Variants in MAPRE2 observed in about 807,000 individuals in gnomAD.
MAPRE2 encodes microtubule-associated protein RP/EB family member 2.
In MAPRE2, 13 loss-of-function variants were observed where a neutral mutation model predicts 43.2. The observed-to-expected ratio is 0.30, with a 90% CI of 0.20 to 0.48. The LOEUF (loss-of-function observed/expected upper bound fraction) is 0.48. MAPRE2 is among the 20% of genes least tolerant of loss of function. The probability of loss-of-function intolerance (pLI) is 0.99; values close to 1 mark genes in which losing one functional copy is unlikely to be tolerated. For synonymous variants in MAPRE2, 135 were observed against 148.8 expected, an observed-to-expected ratio of 0.91 and a Z score of 0.68; for missense variants, 161 against 400.2, an observed-to-expected ratio of 0.40 and a Z score of 5.10.
chr18:35,094,290 T>C (rs894676158), intron 2 of MAPRE2, among the ~76,000 whole-genome samples: 5 of 152,226 alleles, frequency 3.3e-5, no homozygotes, highest in Admixed American at 3.3e-4. Flanking sequence ...AAAGCTATTA[T>C]TTTTATATGC....
intron 2 of MAPRE2, among the ~76,000 whole-genome samples, chr18:35,092,623 G>A (rs529693062): frequency 2.0e-5 from 3 of 151,868 alleles, no homozygotes; most frequent in East Asian, 1.9e-4. Context: ...GGATTATATC[G>A]AACAAAAAAA....
At chr18:35,026,079 T>A (rs562234732) in intron 2 of MAPRE2, among the ~76,000 whole-genome samples, 1 of 152,162 alleles carries the variant, frequency 6.6e-6, no homozygotes, top group East Asian at 1.9e-4. Context: ...AGATGTGAAT[T>A]GATTGTGAAG....
intron 1 of MAPRE2, among the ~76,000 whole-genome samples, chr18:34,983,992 C>A (rs1362371764): frequency 6.8e-6 from 1 of 147,842 alleles, no homozygotes; most frequent in Non-Finnish European, 1.5e-5. Flanking sequence ...CTTGTAATGG[C>A]AAGGATCACT....
At chr18:35,125,046 T>A (rs1006631994) in intron 4 of MAPRE2, among the ~76,000 whole-genome samples, 8 of 152,296 alleles carry the variant, frequency 5.3e-5, no homozygotes, top group African/African-American at 1.9e-4. Flanking sequence ...TTTAAGTCTT[T>A]CCCAATTTAA....
At chr18:35,101,783 A>T (rs539562570) in intron 3 of MAPRE2, among the ~76,000 whole-genome samples, 163 bp from the exon 4 acceptor site, 1 of 152,136 alleles carries the variant, frequency 6.6e-6, no homozygotes, top group Non-Finnish European at 1.5e-5. Flanking sequence ...TTATCCATTC[A>T]TCTGTTGATG....
At chr18:35,049,168 T>A (rs1199629252) in intron 1 of MAPRE2, among the ~76,000 whole-genome samples, 1 of 152,170 alleles carries the variant, frequency 6.6e-6, no homozygotes, top group Non-Finnish European at 1.5e-5. Context: ...AAAAAACATC[T>A]CTGGGAGGCT....
At position 35,048,514 on chromosome 18, in the gene MAPRE2, A is replaced by G. The variant is rs111716370; in HGVS notation, c.122+6853A>G. On this transcript the variant is annotated intron_variant, in intron 1 of 6. Transcript: ENST00000300249. ...GAAAGTATAATTATATATGTGTTACATATAGTATTAACACATATACTACAT... is the reference window on the plus strand; with the variant it reads ...GAAAGTATAATTATATATGTGTTACGTATAGTATTAACACATATACTACAT... Among the ~76,000 whole-genome samples the G allele has an allele frequency of 8.0e-3, 1,199 of 150,722 alleles. 14 individuals are homozygous for G. The highest frequency in any genetic ancestry group is 0.028 in the African/African-American group (1,157 of 41,194).
In MAPRE2 at chr18:35,143,089, A is replaced by G. The variant is rs1202900892; in HGVS notation, c.*2720A>G. 6.7e-6 allele frequency: 1 copy of G among 148,288 alleles called. No homozygotes were observed. The highest frequency in any genetic ancestry group is 2.0e-4 in the East Asian group (1 of 5,050). The allele number at this position is 148,288 out of a possible 1,614,324, so 9.2% of individuals were successfully genotyped here. A position where few individuals can be genotyped will look rare whatever the true frequency, so the allele number is the denominator to read the frequency against. On this transcript the variant is annotated 3_prime_UTR_variant, in exon 7 of 7. Transcript: ENST00000300249. The stretch of plus-strand genomic sequence containing the variant: ...AAAGCAGGAAAAAAAAAAAAAAAAA[A>G]GAAAGAAAAACACCTGTTGACCTGA...
intron 2 of MAPRE2, among the ~76,000 whole-genome samples, chr18:35,021,600 A>G (rs1021209359): frequency 3.9e-5 from 6 of 152,308 alleles, no homozygotes; most frequent in Admixed American, 3.9e-4. Flanking sequence ...AAGAGTTGCT[A>G]TGAATAAGAG....
At chr18:34,985,853 G>C (rs971878265) in intron 1 of MAPRE2, among the ~76,000 whole-genome samples, 1 of 148,634 alleles carries the variant, frequency 6.7e-6, no homozygotes, top group African/African-American at 2.5e-5. Context: ...GTATCTTCCA[G>C]GTATGAAATA....
intron 1 of MAPRE2, among the ~76,000 whole-genome samples, chr18:35,056,014 T>G (rs946647731): frequency 6.6e-6 from 1 of 151,924 alleles, no homozygotes; most frequent in Non-Finnish European, 1.5e-5. Context: ...AACTGGGTGA[T>G]GGAACAGTGG....
intron 6 of MAPRE2, among the ~76,000 whole-genome samples, chr18:35,140,062 G>A (rs755468924): frequency 6.6e-6 from 1 of 152,188 alleles, no homozygotes; most frequent in Non-Finnish European, 1.5e-5. Flanking sequence ...AAAGCCTGAC[G>A]ACTGTGCTTT....
chr18:35,048,699 A>G (rs78762447), intron 1 of MAPRE2, among the ~76,000 whole-genome samples: 8,015 of 149,040 alleles, frequency 0.054, 367 homozygotes, highest in East Asian at 0.22. Context: ...TACTATATAT[A>G]CTATTATATA....
At chr18:35,020,047 G>A (rs2150587119) in intron 2 of MAPRE2, among the ~76,000 whole-genome samples, 1 of 152,210 alleles carries the variant, frequency 6.6e-6, no homozygotes, top group South Asian at 2.1e-4. Context: ...TACTGTGGAT[G>A]ACACAGATTT....
chr18:35,003,609 A>G (rs2097030424), intron 1 of MAPRE2, among the ~76,000 whole-genome samples: 1 of 152,248 alleles, frequency 6.6e-6, no homozygotes, highest in Non-Finnish European at 1.5e-5. Flanking sequence ...TTGTATACAG[A>G]CAATTCTGAA....
At chr18:35,086,265 T>C (rs1241276236) in intron 2 of MAPRE2, among the ~76,000 whole-genome samples, 3 of 151,908 alleles carry the variant, frequency 2.0e-5, no homozygotes, top group Non-Finnish European at 4.4e-5. Context: ...AAGATATATA[T>C]ATACATGTAT....
intron 1 of MAPRE2, among the ~76,000 whole-genome samples, chr18:34,981,378 T>C (rs563938114): frequency 1.3e-5 from 2 of 149,932 alleles, no homozygotes; most frequent in African/African-American, 4.9e-5. Context: ...AGATGCCATC[T>C]TAAAAAAAAA....
chr18:34,982,784 A>G (rs946894117), intron 1 of MAPRE2, among the ~76,000 whole-genome samples: 5 of 152,218 alleles, frequency 3.3e-5, no homozygotes, highest in Non-Finnish European at 2.9e-5. Context: ...TCACGACTCC[A>G]TCTGTTTCTA....
intron 2 of MAPRE2, among the ~76,000 whole-genome samples, chr18:35,006,100 T>C (rs1005903953): frequency 6.6e-6 from 1 of 152,168 alleles, no homozygotes; most frequent in Non-Finnish European, 1.5e-5. Context: ...ACTCTAAGTC[T>C]CTGTAAGTAA....
Sources: gnomAD v4.1 joint callset for allele counts (sites outside exome capture counted in the v4.1 genomes callset) on GRCh38, gnomAD v4.1.1 for gene constraint, MANE v1.5 for transcripts, NCBI Gene and HGNC (gene_info 2026-07-23, HGNC 2026-07-21) for gene names.